Variants in PLXDC2 observed in about 807,000 individuals in gnomAD.
The protein encoded by PLXDC2 is plexin domain-containing protein 2.
In PLXDC2, 40 loss-of-function variants were observed where a neutral mutation model predicts 68.9. That is an observed-to-expected ratio of 0.58 (90% CI 0.45 to 0.76). The LOEUF is 0.76. PLXDC2 is among the 30% of genes least tolerant of loss of function. The pLI is 0.00. For missense variants in PLXDC2, 644 were observed against 661.9 expected, an observed-to-expected ratio of 0.97 and a Z score of 0.30; for synonymous variants, 243 against 234.2, an observed-to-expected ratio of 1.04 and a Z score of -0.34.
intron 1 of PLXDC2, among the ~76,000 whole-genome samples, chr10:19,949,249 C>A (rs1833956918): frequency 6.6e-6 from 1 of 150,910 alleles, no homozygotes; most frequent in Admixed American, 6.6e-5. Context: ...AAATTTGTGA[C>A]AAAGCATTCT....
At chr10:20,002,122 C>G (rs565903554) in intron 2 of PLXDC2, 136 bp downstream of exon 2, 1 of 858,250 alleles carries the variant, frequency 1.2e-6, no homozygotes, top group Admixed American at 2.8e-5. Flanking sequence ...CAATTTAATT[C>G]GTTAATAAAT....
intron 1 of PLXDC2, among the ~76,000 whole-genome samples, chr10:19,861,200 A>G (rs113140332): frequency 0.13 from 19,937 of 151,350 alleles, 2,227 homozygotes; most frequent in African/African-American, 0.3. Context: ...ACGCCTGGCT[A>G]ATTTTTGTAT....
intron 1 of PLXDC2, among the ~76,000 whole-genome samples, chr10:19,827,640 A>G (rs1836598143): frequency 1.3e-5 from 2 of 151,606 alleles, no homozygotes; most frequent in Admixed American, 1.3e-4. Flanking sequence ...GGCTCACTGC[A>G]ACCTCCACCT....
rs566620142 is a variant in PLXDC2 at position 19,830,396 on chromosome 10, T to C, written c.112+13205T>C. Reference sequence around the variant, plus strand: ...AGCATCTACCATGTAATCAACAGTTTGTTTCTCTTATACTCAGAGCACATT... The same window carrying C: ...AGCATCTACCATGTAATCAACAGTTCGTTTCTCTTATACTCAGAGCACATT... On this transcript the variant is annotated intron_variant, in intron 1 of 13. Transcript: ENST00000377252. Among the ~76,000 whole-genome samples, 12 of 152,360 alleles carry C rather than the reference T, an allele frequency of 7.9e-5. No homozygotes were observed. The East Asian group carries it at 1.7e-3, about 22-fold the overall frequency.
At chr10:20,082,947 ATATG>A (rs143600746) in intron 4 of PLXDC2, among the ~76,000 whole-genome samples, 108 of 151,732 alleles carry the variant, frequency 7.1e-4, no homozygotes, top group South Asian at 4.2e-3. Context: ...ATATGTACAT[ATATG>A]TATGTATGTA....
intron 13 of PLXDC2, among the ~76,000 whole-genome samples, chr10:20,252,450 T>C (rs990588129): frequency 2.0e-5 from 3 of 152,362 alleles, no homozygotes; most frequent in South Asian, 4.1e-4. Context: ...CTAGACACTT[T>C]TAAAATTATG....
chr10:20,027,430 T>A (rs1318934478), intron 2 of PLXDC2, among the ~76,000 whole-genome samples: 1 of 152,178 alleles, frequency 6.6e-6, no homozygotes, highest in Non-Finnish European at 1.5e-5. Flanking sequence ...CCTTCTACTA[T>A]GTGAGGATGC....
At chr10:20,072,149 C>T (rs983402242) in intron 4 of PLXDC2, among the ~76,000 whole-genome samples, 5 of 151,568 alleles carry the variant, frequency 3.3e-5, no homozygotes, top group Admixed American at 2.0e-4. Flanking sequence ...GAGTTTGGAT[C>T]GCCTGAGGTC....
intron 7 of PLXDC2, among the ~76,000 whole-genome samples, chr10:20,166,985 C>G (rs1413370096): frequency 6.6e-6 from 1 of 152,108 alleles, no homozygotes. Context: ...TCTAAAAGAA[C>G]TTAATTCAAA....
At chr10:20,068,341 A>C in intron 4 of PLXDC2, 102 bp downstream of exon 4, 1 of 1,030,192 alleles carries the variant, frequency 9.7e-7, no homozygotes, top group Non-Finnish European at 1.4e-6. Flanking sequence ...TATTGAGAAA[A>C]CCATTGTGTT....
chr10:19,856,637 C>G (rs1837219948), intron 1 of PLXDC2, among the ~76,000 whole-genome samples: 1 of 152,190 alleles, frequency 6.6e-6, no homozygotes, highest in Admixed American at 6.5e-5. Context: ...ACATCCCTGT[C>G]TTTCCTGGCC....
At chr10:19,923,231 A>G (rs964522341) in intron 1 of PLXDC2, among the ~76,000 whole-genome samples, 1 of 152,176 alleles carries the variant, frequency 6.6e-6, no homozygotes, top group Non-Finnish European at 1.5e-5. Context: ...TTTATTGACA[A>G]TCCACCCCAA....
intron 1 of PLXDC2, among the ~76,000 whole-genome samples, chr10:19,973,825 C>A (rs1834402352): frequency 6.6e-6 from 1 of 152,164 alleles, no homozygotes; most frequent in African/African-American, 2.4e-5. Context: ...GAGCGCCATT[C>A]TGCCTCCATT....
intron 1 of PLXDC2, among the ~76,000 whole-genome samples, chr10:19,898,476 A>G (rs1436064759): frequency 6.6e-6 from 1 of 152,212 alleles, no homozygotes; most frequent in Non-Finnish European, 1.5e-5. Flanking sequence ...ACTGGTGGAA[A>G]ATGAACAGTG....
chr10:19,974,861 ACTCTGGTCTTGATT>A (rs1175305372), intron 1 of PLXDC2, among the ~76,000 whole-genome samples: 1 of 152,116 alleles, frequency 6.6e-6, no homozygotes, highest in Non-Finnish European at 1.5e-5. Flanking sequence ...ACAATGAAAC[ACTCTGGTCTTGATT>A]CTCAAAGGCA....
At chr10:20,146,695 A>G (rs575592882) in intron 5 of PLXDC2, among the ~76,000 whole-genome samples, 32 of 152,132 alleles carry the variant, frequency 2.1e-4, no homozygotes, top group African/African-American at 7.7e-4. Context: ...AAAGAAATAC[A>G]TTTCTTTACT....
intron 4 of PLXDC2, among the ~76,000 whole-genome samples, chr10:20,124,279 T>A (rs1368491984): frequency 6.6e-6 from 1 of 151,388 alleles, no homozygotes; most frequent in African/African-American, 2.4e-5. Context: ...TACCAGAAAA[T>A]GAAAGGAATT....
chr10:20,179,827 A>C (rs969429975), intron 9 of PLXDC2, among the ~76,000 whole-genome samples: 20 of 152,056 alleles, frequency 1.3e-4, no homozygotes, highest in Non-Finnish European at 1.5e-5. Context: ...CAGTGAAGGA[A>C]ACTGAAATTT....
intron 9 of PLXDC2, among the ~76,000 whole-genome samples, chr10:20,187,912 A>G (rs1034090242): frequency 1.3e-5 from 2 of 151,850 alleles, no homozygotes; most frequent in African/African-American, 4.8e-5. Context: ...TAAACTGTAA[A>G]CTATTTTTGA....
Sources: gnomAD v4.1 joint callset for allele counts (sites outside exome capture counted in the v4.1 genomes callset) on GRCh38, gnomAD v4.1.1 for gene constraint, MANE v1.5 for transcripts, NCBI Gene and HGNC (gene_info 2026-07-23, HGNC 2026-07-21) for gene names.